The following PTK7 variants were observed in gnomAD, a reference collection of about 807,000 sequenced individuals.
PTK7 encodes protein tyrosine kinase 7 (inactive).
A neutral mutation model predicts 116.6 loss-of-function variants in PTK7; 39 were observed. That is an observed-to-expected ratio of 0.33 (90% CI 0.26 to 0.44). The LOEUF is 0.44. Among genes scored for constraint, PTK7 ranks in the 20% least tolerant of loss-of-function variants. The pLI is 1.00. For synonymous variants in PTK7, 546 were observed against 563.6 expected (o/e 0.97, Z 0.44); for missense variants, 1,169 against 1,425.6 (o/e 0.82, Z 2.90).
chr6:43,160,550 AGT>A (rs1771787991), intron 19 of PTK7, among the ~76,000 whole-genome samples, 169 bp from the exon 20 acceptor site: 1 of 152,154 alleles, frequency 6.6e-6, no homozygotes, highest in South Asian at 2.1e-4. Flanking sequence ...AGCCAGAGTG[AGT>A]GGGGCCAGGG....
In PTK7 at chr6:43,145,412, G is replaced by A. The variant is rs1042714770; in HGVS notation, c.2620G>A (p.Val874Met). The change falls in exon 16 of 20, where the codon GTG (valine) becomes ATG (methionine). Residue 874 changes from valine (V) to methionine (M), a missense_variant. By Grantham distance (21) the Val-to-Met change is conservative. Coordinates refer to ENST00000230419, the MANE Select transcript of PTK7 (RefSeq NM_002821.5). The surrounding 1 kb of genome is among the most constrained non-coding windows in gnomAD (Gnocchi z 4.8). ...CCGGGAGGCTGAGCCCCACTACATG[G>A]TGCTGGAATATGTGGATCTGGTATG... ...LCREAEPHYM[V>M]LEYVDLGDLK... The A allele has an allele frequency of 1.3e-6, 2 of 1,592,976 alleles. No individual in the cohort carries two copies. The highest frequency in any genetic ancestry group is 1.7e-6 in the Non-Finnish European group (2 of 1,167,452).
At chr6:43,115,947 A>AAAAAG (rs577047547) in intron 1 of PTK7, among the ~76,000 whole-genome samples, 1 of 128,404 alleles carries the variant, frequency 7.8e-6, no homozygotes, top group African/African-American at 3.1e-5. Context: ...AAAAAAAAAA[A>AAAAAG]GGCAGTGGGC....
At position 43,139,436 on chromosome 6, in the gene PTK7, C is replaced by T; in HGVS notation, c.1529C>T (p.Pro510Leu). 1.2e-6 allele frequency: 2 copies of T among 1,614,238 alleles called. No homozygotes were observed. Among genetic ancestry groups the T allele is most frequent in the Non-Finnish European group, 1.7e-6 (2 of 1,180,040 alleles). ...CTCAAGTTCACACCACCACCCCAGC[C>T]ACAGCAGTGCATGGAGTTTGACAAG... ...EKLKFTPPPQ[P>L]QQCMEFDKEA... The change falls in exon 10 of 20, where the codon CCA (proline) becomes CTA (leucine). Residue 510 changes from proline (P) to leucine (L), a missense_variant. By Grantham distance (98) the Pro-to-Leu change is moderately conservative (BLOSUM62 -3). Transcript: ENST00000230419. The surrounding 1 kb of genome is among the most constrained non-coding windows in gnomAD (Gnocchi z 4.6).
At chr6:43,150,716 C>G (rs1287816702) in intron 17 of PTK7, among the ~76,000 whole-genome samples, 1 of 150,358 alleles carries the variant, frequency 6.7e-6, no homozygotes, top group African/African-American at 2.5e-5. Flanking sequence ...AGCCTGGCCC[C>G]TTTACCACCA....
At chr6:43,154,439 G>A (rs62417510) in intron 17 of PTK7, among the ~76,000 whole-genome samples, 5,978 of 152,128 alleles carry the variant, frequency 0.039, 147 homozygotes, top group Middle Eastern at 0.058. Context: ...TTTTGACTGG[G>A]CAAAAAGTAC....
chr6:43,146,459 G>A (rs1225948369), intron 16 of PTK7, among the ~76,000 whole-genome samples, 159 bp from the exon 17 acceptor site: 1 of 70,836 alleles, frequency 1.4e-5, no homozygotes, highest in Non-Finnish European at 2.7e-5. Flanking sequence ...TTAAAGTTCT[G>A]CACTCCCAGT....
At chr6:43,160,311 G>C (rs1012814022) in intron 19 of PTK7, among the ~76,000 whole-genome samples, 2 of 152,076 alleles carry the variant, frequency 1.3e-5, no homozygotes, top group Non-Finnish European at 2.9e-5. Flanking sequence ...GAGATGGGGG[G>C]GCTTCACCAT....
At chr6:43,131,201 G>A (rs1025265435) in intron 5 of PTK7, among the ~76,000 whole-genome samples, 1 of 152,158 alleles carries the variant, frequency 6.6e-6, no homozygotes, top group Non-Finnish European at 1.5e-5. Context: ...TGGTCCTTGG[G>A]GGTGTGGCTT....
chr6:43,079,590 CTTTTG>C (rs747027037), intron 1 of PTK7, among the ~76,000 whole-genome samples: 24 of 151,908 alleles, frequency 1.6e-4, no homozygotes, highest in Non-Finnish European at 2.9e-4. Context: ...TCCCTGTATA[CTTTTG>C]TTTTGTTTTG....
In PTK7 at chr6:43,076,332, C is replaced by G; in HGVS notation, c.-157C>G. ...CGGAGGTACTGGGCGCGCGCGGCTC[C>G]GGCTCGGGACGCCTCGGGACGCCTC... On this transcript the variant is annotated 5_prime_UTR_variant, in exon 1 of 20. Transcript: ENST00000230419. This position sits in a 1 kb window ranked among gnomAD's most constrained non-coding sequence, Gnocchi z 5.7. 1 of 305,684 alleles carries G rather than the reference C, an allele frequency of 3.3e-6. No homozygotes were observed. The highest frequency in any genetic ancestry group is 5.3e-6 in the Non-Finnish European group (1 of 189,224). 18.9% of individuals were successfully genotyped at this position (305,684 alleles called of 1,614,324 possible).
chr6:43,100,467 A>G (rs1463581779), intron 1 of PTK7, among the ~76,000 whole-genome samples: 1 of 151,980 alleles, frequency 6.6e-6, no homozygotes, highest in East Asian at 1.9e-4. Context: ...TCATATTTGA[A>G]AAAGTAGAAA....
chr6:43,157,382 T>TTTTTTC (rs1771566113), intron 17 of PTK7, among the ~76,000 whole-genome samples: 1 of 105,506 alleles, frequency 9.5e-6, no homozygotes, highest in African/African-American at 3.5e-5. Flanking sequence ...TTTTCTTTTT[T>TTTTTTC]TTTTTTTTTT....
At position 43,076,651 on chromosome 6, in the gene PTK7, TG is replaced by T; in HGVS notation, c.79+87del. On this transcript the variant is annotated intron_variant, in intron 1 of 19. Transcript: ENST00000230419. This position sits in a 1 kb window ranked among gnomAD's most constrained non-coding sequence, Gnocchi z 5.7. ...AAGGCTGCGCCCGGGGCGGTGGGTT[TG>T]GGCGGCTGGAACGGCCCTGGAGTAG... The T allele has an allele frequency of 6.8e-7, 1 of 1,466,832 alleles. No individual in the cohort carries two copies. The allele number at this position is 1,466,832 out of a possible 1,614,324, so 90.9% of individuals were successfully genotyped here.
rs144502091 is a variant in PTK7 at position 43,112,713 on chromosome 6, C to T, written c.80-16264C>T. Reference sequence around the variant, plus strand: ...ACAGGTGTGAGCCACTGCACCCGGCCCCATTTTAGATTTGGGAAAACCAAG... The same window carrying T: ...ACAGGTGTGAGCCACTGCACCCGGCTCCATTTTAGATTTGGGAAAACCAAG... On this transcript the variant is annotated intron_variant, in intron 1 of 19. Coordinates refer to ENST00000230419, the MANE Select transcript of PTK7 (RefSeq NM_002821.5). Among the ~76,000 whole-genome samples, 530 of 152,162 alleles carry T rather than the reference C, an allele frequency of 3.5e-3. 4 individuals are homozygous for T. Among genetic ancestry groups the T allele is most frequent in the African/African-American group, 0.012 (480 of 41,500 alleles).
rs371217159 is a variant in PTK7, at chr6:43,154,162, C to CTAAA, written c.2722-4630_2722-4627dup. On this transcript the variant is annotated intron_variant, in intron 17 of 19. Coordinates refer to ENST00000230419, the MANE Select transcript of PTK7 (RefSeq NM_002821.5). ...TGGGTGACAGAGCAAGACTCAGTCT[C>CTAAA]TAAATAAATAAATAAATAAATAAAT... Among the ~76,000 whole-genome samples the CTAAA allele has an allele frequency of 8.8e-3, 1,321 of 150,028 alleles. 14 individuals carry two copies. The highest frequency in any genetic ancestry group is 0.027 in the African/African-American group (1,075 of 40,544).
intron 1 of PTK7, among the ~76,000 whole-genome samples, chr6:43,113,993 C>T (rs1768342998): frequency 6.6e-6 from 1 of 152,072 alleles, no homozygotes; most frequent in Admixed American, 6.5e-5. Context: ...CCCTGAGCAG[C>T]CCCGGGGCCT....
At chr6:43,113,560 T>C (rs1768312061) in intron 1 of PTK7, among the ~76,000 whole-genome samples, 1 of 152,210 alleles carries the variant, frequency 6.6e-6, no homozygotes, top group Non-Finnish European at 1.5e-5. Context: ...TGGGGGTATG[T>C]GCCTGCCTTT....
At chr6:43,125,917 C>G (rs1398359311) in intron 1 of PTK7, among the ~76,000 whole-genome samples, 2 of 152,128 alleles carry the variant, frequency 1.3e-5, no homozygotes, top group Non-Finnish European at 2.9e-5. Flanking sequence ...CCTGGCTCCC[C>G]ACCATGTCTG....
At chr6:43,150,368 T>G (rs987167112) in intron 17 of PTK7, among the ~76,000 whole-genome samples, 3 of 152,232 alleles carry the variant, frequency 2.0e-5, no homozygotes, top group African/African-American at 7.2e-5. Flanking sequence ...GGCTATCTGA[T>G]GGCATCTTGC....
Sources: allele counts gnomAD v4.1 joint callset (sites outside exome capture counted in the v4.1 genomes callset), GRCh38; gene constraint gnomAD v4.1.1; non-coding constraint Gnocchi (gnomAD v3.1); transcripts MANE v1.5; gene names NCBI Gene and HGNC (gene_info 2026-07-23, HGNC 2026-07-21).